The following TAF3 variants were observed in gnomAD, a reference collection of about 807,000 sequenced individuals.
TAF3 encodes the protein transcription initiation factor TFIID subunit 3.
In TAF3, 7 loss-of-function variants were observed where a neutral mutation model predicts 80.6. The ratio of observed to expected loss-of-function variants is 0.09; its 90% CI spans 0.05 to 0.16. The LOEUF is 0.16. TAF3 is among the 10% of genes least tolerant of loss of function. The probability of loss-of-function intolerance (pLI) is 1.00; values close to 1 mark genes in which losing one functional copy is unlikely to be tolerated. For synonymous variants in TAF3, 444 were observed against 446.1 expected, an observed-to-expected ratio of 1.00 and a Z score of 0.06; for missense variants, 921 against 1,140.2, an observed-to-expected ratio of 0.81 and a Z score of 2.77.
chr10:7,932,841 C>G (rs1208400577), intron 2 of TAF3, among the ~76,000 whole-genome samples: 1 of 151,918 alleles, frequency 6.6e-6, no homozygotes, highest in Non-Finnish European at 1.5e-5. Context: ...CCACACCGAG[C>G]TAATTCTTAA....
At chr10:7,934,096 C>T (rs2131199717) in intron 2 of TAF3, among the ~76,000 whole-genome samples, 1 of 152,310 alleles carries the variant, frequency 6.6e-6, no homozygotes, top group Middle Eastern at 3.4e-3. Context: ...TGAGGCAAGG[C>T]ATGAATTCTG....
Position 7,885,274 on chromosome 10 carries a change from C to A in TAF3, c.409+60714C>A, listed in dbSNP as rs74443041. Among the ~76,000 whole-genome samples the A allele has an allele frequency of 4.9e-3, 651 of 133,788 alleles. 2 individuals are homozygous for A. The highest frequency in any genetic ancestry group is 0.012 in the South Asian group (54 of 4,346). The allele number at this position is 133,788 out of a possible 152,430, so 87.8% of individuals were successfully genotyped here. Reference sequence around the variant, plus strand: ...GACACACACACACACACACACACACCCCCACACACACACAAAGTGACTAAT... The same window carrying A: ...GACACACACACACACACACACACACACCCACACACACACAAAGTGACTAAT... On this transcript the variant is annotated intron_variant, in intron 2 of 6. Transcript: ENST00000344293.
At chr10:7,839,039 C>G (rs955432991) in intron 2 of TAF3, among the ~76,000 whole-genome samples, 3 of 151,366 alleles carry the variant, frequency 2.0e-5, no homozygotes, top group African/African-American at 7.3e-5. Flanking sequence ...GTACACGTGT[C>G]TTAGCATAAA....
At position 7,905,645 on chromosome 10, in the gene TAF3, G is replaced by T. The variant is rs1475487962; in HGVS notation, c.410-58275G>T. Among the ~76,000 whole-genome samples, 4 of 152,292 alleles carry T rather than the reference G, an allele frequency of 2.6e-5. No individual in the cohort carries two copies. The South Asian group carries it at 8.3e-4, about 32-fold the overall frequency. On this transcript the variant is annotated intron_variant, in intron 2 of 6. Transcript: ENST00000344293. ...ACCTGTAATCCCAGCACTGTGGAAA[G>T]CTGAGGCGGGCAGATTACGAGGTCA...
chr10:7,875,940 C>T (rs1474262822), intron 2 of TAF3, among the ~76,000 whole-genome samples: 1 of 151,864 alleles, frequency 6.6e-6, no homozygotes, highest in Non-Finnish European at 1.5e-5. Flanking sequence ...GAACTCCAAA[C>T]AAGTGATAGT....
At chr10:7,998,695 C>T (rs932097102) in intron 4 of TAF3, among the ~76,000 whole-genome samples, 8 of 151,754 alleles carry the variant, frequency 5.3e-5, no homozygotes, top group Non-Finnish European at 7.4e-5. Flanking sequence ...AGAAATCAGC[C>T]GGGTGTGGTG....
intron 2 of TAF3, among the ~76,000 whole-genome samples, chr10:7,856,429 G>A (rs1468528672): frequency 2.0e-5 from 3 of 152,166 alleles, no homozygotes; most frequent in Non-Finnish European, 4.4e-5. Context: ...GCAGTGAGCC[G>A]AGATCATGCC....
At chr10:7,958,645 TGGGAAA>T (rs1407871963) in intron 2 of TAF3, among the ~76,000 whole-genome samples, 16 of 152,192 alleles carry the variant, frequency 1.1e-4, no homozygotes, top group Admixed American at 3.3e-4. Context: ...CAGGGGTGGA[TGGGAAA>T]GGAGCCACAG....
intron 4 of TAF3, among the ~76,000 whole-genome samples, chr10:7,988,576 A>G (rs1481382918): frequency 9.8e-6 from 1 of 102,510 alleles, no homozygotes; most frequent in Non-Finnish European, 2.0e-5. Context: ...CTGTCTCAAA[A>G]AAAAAAAAAA....
intron 2 of TAF3, among the ~76,000 whole-genome samples, chr10:7,848,498 G>T (rs1836995354): frequency 6.6e-6 from 1 of 152,122 alleles, no homozygotes; most frequent in Non-Finnish European, 1.5e-5. Context: ...TGTATATGGA[G>T]CCCATCTCAG....
At chr10:8,005,565 CG>C (rs1355967968) in intron 4 of TAF3, among the ~76,000 whole-genome samples, 1 of 152,198 alleles carries the variant, frequency 6.6e-6, no homozygotes, top group African/African-American at 2.4e-5. Flanking sequence ...CTTTGACATT[CG>C]TCCTCTTCAT....
At chr10:7,911,715 C>A (rs1438586125) in intron 2 of TAF3, among the ~76,000 whole-genome samples, 1 of 152,182 alleles carries the variant, frequency 6.6e-6, no homozygotes, top group Non-Finnish European at 1.5e-5. Context: ...TTGTTGCCAA[C>A]ATTTTTAAAT....
intron 2 of TAF3, among the ~76,000 whole-genome samples, chr10:7,846,574 A>G (rs1836974883): frequency 6.6e-6 from 1 of 152,032 alleles, no homozygotes; most frequent in South Asian, 2.1e-4. Flanking sequence ...CTAGTTGAAA[A>G]GATTGGCATT....
At chr10:7,865,182 T>C (rs960505531) in intron 2 of TAF3, among the ~76,000 whole-genome samples, 4 of 151,590 alleles carry the variant, frequency 2.6e-5, no homozygotes, top group African/African-American at 7.3e-5. Context: ...GTTCAGAAAG[T>C]AGGGGCCGGG....
At chr10:7,824,696 T>C in intron 2 of TAF3, 136 bp downstream of exon 2, 1 of 1,196,928 alleles carries the variant, frequency 8.4e-7, no homozygotes, top group Non-Finnish European at 1.1e-6. Flanking sequence ...CAAATTATTC[T>C]AACCCTTAAA....
At chr10:7,914,716 A>T (rs1243607801) in intron 2 of TAF3, among the ~76,000 whole-genome samples, 1 of 152,158 alleles carries the variant, frequency 6.6e-6, no homozygotes, top group African/African-American at 2.4e-5. Context: ...TGGGGTAGTA[A>T]GTGCTTCCTA....
At chr10:7,874,245 C>T (rs1451921349) in intron 2 of TAF3, among the ~76,000 whole-genome samples, 1 of 152,148 alleles carries the variant, frequency 6.6e-6, no homozygotes, top group Non-Finnish European at 1.5e-5. Context: ...TTTTGGAAAT[C>T]CTTAATTGCT....
At chr10:7,839,876 G>C (rs764373571) in intron 2 of TAF3, among the ~76,000 whole-genome samples, 1 of 152,184 alleles carries the variant, frequency 6.6e-6, no homozygotes, top group Non-Finnish European at 1.5e-5. Flanking sequence ...CTCAGCGGAG[G>C]TGTATACATG....
chr10:7,948,116 G>A (rs1004505951), intron 2 of TAF3, among the ~76,000 whole-genome samples: 6 of 150,784 alleles, frequency 4.0e-5, no homozygotes, highest in Admixed American at 6.6e-5. Flanking sequence ...CGGCTGGAAC[G>A]CAGTGGTACG....
Sources: gnomAD v4.1 joint callset for allele counts (sites outside exome capture counted in the v4.1 genomes callset) on GRCh38, gnomAD v4.1.1 for gene constraint, MANE v1.5 for transcripts, NCBI Gene and HGNC (gene_info 2026-07-23, HGNC 2026-07-21) for gene names.